The following PDE11A variants were observed in gnomAD, a reference collection of about 807,000 sequenced individuals.
PDE11A encodes phosphodiesterase 11A.
A neutral mutation model predicts 100.5 loss-of-function variants in PDE11A; 100 were observed. That is an observed-to-expected ratio of 1.00 (90% CI 0.85 to 1.18). PDE11A has a LOEUF of 1.18. Among genes scored for constraint, PDE11A ranks in the 50% most tolerant of loss-of-function variants. PDE11A has a pLI of 0.00. For synonymous variants in PDE11A, 381 were observed against 420.8 expected (o/e 0.91, Z 1.16); for missense variants, 1,141 against 1,152.6 (o/e 0.99, Z 0.15).
chr2:177,950,291 G>A (rs1335609555), intron 2 of PDE11A, among the ~76,000 whole-genome samples: 1 of 151,374 alleles, frequency 6.6e-6, no homozygotes, highest in Non-Finnish European at 1.5e-5. Context: ...GGAATGTCTT[G>A]CCTTCACTCT....
intron 5 of PDE11A, among the ~76,000 whole-genome samples, chr2:177,845,937 A>G (rs929107052): frequency 2.0e-5 from 3 of 151,660 alleles, no homozygotes; most frequent in African/African-American, 7.3e-5. Flanking sequence ...GGAGAATCAG[A>G]CAGGGAGGTT....
chr2:177,998,644 G>T, intron 2 of PDE11A: 2 of 1,280,706 alleles, frequency 1.6e-6, no homozygotes, highest in Non-Finnish European at 2.3e-6. Context: ...GCTGCTAATC[G>T]TTTTTCCTTA....
At chr2:177,778,636 C>A (rs2082410944) in intron 9 of PDE11A, among the ~76,000 whole-genome samples, 1 of 152,130 alleles carries the variant, frequency 6.6e-6, no homozygotes, top group Admixed American at 6.6e-5. Flanking sequence ...AGTCCTTAAA[C>A]TAAGAAAGAT....
chr2:177,946,693 T>G (rs1265587607), intron 2 of PDE11A, among the ~76,000 whole-genome samples: 96 of 10,710 alleles, frequency 9.0e-3, no homozygotes, highest in Non-Finnish European at 0.011. Flanking sequence ...GTGGGGGGGG[T>G]CAGCCCCCCG....
chr2:177,803,572 A>C (rs1244552810), intron 9 of PDE11A, among the ~76,000 whole-genome samples: 1 of 152,094 alleles, frequency 6.6e-6, no homozygotes, highest in Non-Finnish European at 1.5e-5. Flanking sequence ...TAGCAAATCA[A>C]ATCCAATAGC....
intron 9 of PDE11A, among the ~76,000 whole-genome samples, chr2:177,808,448 TAA>T (rs1174762431): frequency 6.6e-6 from 1 of 152,180 alleles, no homozygotes; most frequent in African/African-American, 2.4e-5. Context: ...TACTATATTC[TAA>T]AGGTACATGC....
chr2:177,755,849 G>T (rs10497488), intron 10 of PDE11A, among the ~76,000 whole-genome samples: 8,151 of 152,312 alleles, frequency 0.054, 229 homozygotes, highest in Middle Eastern at 0.14. Flanking sequence ...TGTGCAATGT[G>T]AGGCTTTTCA....
intron 9 of PDE11A, among the ~76,000 whole-genome samples, chr2:177,774,724 C>G (rs532189025): frequency 2.6e-5 from 4 of 152,296 alleles, no homozygotes; most frequent in South Asian, 2.1e-4. Flanking sequence ...TTACTAACTT[C>G]CAACTTGGTC....
At chr2:178,013,395 G>T (rs1040499792) in intron 2 of PDE11A, among the ~76,000 whole-genome samples, 3 of 152,132 alleles carry the variant, frequency 2.0e-5, no homozygotes, top group African/African-American at 7.2e-5. Flanking sequence ...CTATAAAAAT[G>T]ACCTCAATCA....
intron 6 of PDE11A, among the ~76,000 whole-genome samples, chr2:177,832,714 T>G (rs2083332045): frequency 6.6e-6 from 1 of 152,074 alleles, no homozygotes; most frequent in South Asian, 2.1e-4. Flanking sequence ...TGGAAGAGTT[T>G]AACTGGTATA....
intron 9 of PDE11A, among the ~76,000 whole-genome samples, chr2:177,784,323 G>T (rs1029119030): frequency 6.6e-6 from 1 of 151,434 alleles, no homozygotes; most frequent in African/African-American, 2.4e-5. Flanking sequence ...TAATATATTA[G>T]CATACCAATG....
chr2:177,855,838 G>A (rs2083822457), intron 5 of PDE11A, among the ~76,000 whole-genome samples: 2 of 151,624 alleles, frequency 1.3e-5, no homozygotes, highest in African/African-American at 4.8e-5. Context: ...ATAAGCTTGG[G>A]AATGAGATGC....
At chr2:177,758,062 C>T (rs998514956) in intron 10 of PDE11A, among the ~76,000 whole-genome samples, 29 of 151,242 alleles carry the variant, frequency 1.9e-4, no homozygotes, top group Admixed American at 1.3e-4. Flanking sequence ...TTTCGGAGGC[C>T]GAAGTGGGTG....
At chr2:177,631,128 CT>C in intron 19 of PDE11A, among the ~76,000 whole-genome samples, 1 of 67,268 alleles carries the variant, frequency 1.5e-5, no homozygotes, top group Admixed American at 2.0e-4. Flanking sequence ...TGAATGGAAT[CT>C]TTCTATTATG....
At chr2:177,826,194 T>C (rs779595046) in intron 6 of PDE11A, among the ~76,000 whole-genome samples, 15 of 152,204 alleles carry the variant, frequency 9.9e-5, no homozygotes, top group Non-Finnish European at 1.9e-4. Flanking sequence ...AAATGTTAAC[T>C]AGTTTCTGTC....
chr2:177,834,842 C>T (rs1390096073), intron 6 of PDE11A, among the ~76,000 whole-genome samples: 1 of 151,992 alleles, frequency 6.6e-6, no homozygotes, highest in African/African-American at 2.4e-5. Context: ...CTTTTCTATG[C>T]AAGAGTTTTT....
intron 5 of PDE11A, among the ~76,000 whole-genome samples, chr2:177,854,548 A>G (rs914781395): frequency 1.3e-5 from 2 of 152,006 alleles, no homozygotes; most frequent in Non-Finnish European, 1.5e-5. Context: ...TTTGTGGGGG[A>G]AAATATGGAA....
rs978103683 is a variant in PDE11A at position 177,626,155 on chromosome 2, C to T, written c.*3252G>A. 3.3e-5 allele frequency: 5 copies of T among 152,592 alleles called. No individual in the cohort carries two copies. Among genetic ancestry groups the T allele is most frequent in the African/African-American group, 1.2e-4 (5 of 41,426 alleles). 9.5% of individuals were successfully genotyped at this position (152,592 alleles called of 1,614,324 possible). On this transcript the variant is annotated 3_prime_UTR_variant, in exon 20 of 20. Transcript: ENST00000286063. Reference sequence around the variant, plus strand: ...GCAAGAAAATGAGAGGAAAACTCAACCTTAGTGGAAGCTTGTAGGGTTTAT... The same window carrying T: ...GCAAGAAAATGAGAGGAAAACTCAATCTTAGTGGAAGCTTGTAGGGTTTAT...
chr2:177,944,251 A>G (rs1405515145), intron 2 of PDE11A, among the ~76,000 whole-genome samples: 1 of 152,222 alleles, frequency 6.6e-6, no homozygotes, highest in Non-Finnish European at 1.5e-5. Flanking sequence ...GACAAGAGGA[A>G]AGGTATTTTA....
Sources: allele counts gnomAD v4.1 joint callset (sites outside exome capture counted in the v4.1 genomes callset), GRCh38; gene constraint gnomAD v4.1.1; transcripts MANE v1.5; gene names NCBI Gene and HGNC (gene_info 2026-07-23, HGNC 2026-07-21).